The following SP140L variants were observed in gnomAD, a reference collection of about 807,000 sequenced individuals.
SP140L encodes the protein SP140 like nuclear body protein.
SP140L carries 64 observed loss-of-function variants against 84.3 expected under a neutral mutation model. The ratio of observed to expected loss-of-function variants is 0.76; its 90% confidence interval spans 0.62 to 0.94. SP140L has a LOEUF of 0.94. SP140L is among the 40% of genes least tolerant of loss of function. SP140L has a pLI of 0.00. For synonymous variants in SP140L, 242 were observed against 236.9 expected, an observed-to-expected ratio of 1.02 and a Z score of -0.20; for missense variants, 628 against 692.5, an observed-to-expected ratio of 0.91 and a Z score of 1.05.
chr2:230,388,903 G>C (rs2061693863), intron 10 of SP140L: 4 of 309,740 alleles, frequency 1.3e-5, no homozygotes, highest in Non-Finnish European at 2.4e-5. Flanking sequence ...GCTGAAGATA[G>C]GCCATTGCTG....
intron 8 of SP140L, among the ~76,000 whole-genome samples, chr2:230,384,441 C>T (rs2061504520): frequency 6.6e-6 from 1 of 152,148 alleles, no homozygotes; most frequent in Non-Finnish European, 1.5e-5. Flanking sequence ...CCAAATGATG[C>T]TCAGTTTTGA....
At chr2:230,343,891 G>T (rs1487949592) in intron 2 of SP140L, among the ~76,000 whole-genome samples, 1 of 152,040 alleles carries the variant, frequency 6.6e-6, no homozygotes, top group Non-Finnish European at 1.5e-5. Flanking sequence ...CTGAGAAACT[G>T]TTATGATTAC....
In SP140L at chr2:230,361,557, T is replaced by C. The variant is rs909253206; in HGVS notation, c.440-57T>C. On this transcript the variant is annotated intron_variant, in intron 4 of 18. Transcript: ENST00000415673. ...AAATTCCTAAAAGCCAATTTCCAGGTGTTGTCCCTGGTTCTCACAGATCTT... is the reference window on the plus strand; with the variant it reads ...AAATTCCTAAAAGCCAATTTCCAGGCGTTGTCCCTGGTTCTCACAGATCTT... The C allele has an allele frequency of 2.3e-5, 31 of 1,346,142 alleles. No individual in the cohort carries two copies. In the African/African-American group the frequency reaches 4.1e-4, roughly 18 times the overall value. 83.4% of individuals were successfully genotyped at this position (1,346,142 alleles called of 1,614,324 possible). A position where few individuals can be genotyped will look rare whatever the true frequency, so the allele number is the denominator to read the frequency against.
intron 2 of SP140L, among the ~76,000 whole-genome samples, chr2:230,353,268 T>G (rs542517698): frequency 6.6e-6 from 1 of 152,218 alleles, no homozygotes; most frequent in East Asian, 1.9e-4. Flanking sequence ...AAGAAATTTA[T>G]TTTCCTTATG....
At chr2:230,366,211 G>T (rs2060864289) in intron 5 of SP140L, among the ~76,000 whole-genome samples, 1 of 151,882 alleles carries the variant, frequency 6.6e-6, no homozygotes, top group Non-Finnish European at 1.5e-5. Flanking sequence ...CTGAAAGTAG[G>T]GTATGAAAGT....
At position 230,402,805 on chromosome 2, in the gene SP140L, A is replaced by T; in HGVS notation, c.1652A>T (p.Asp551Val). 1 of 1,611,922 alleles carries T rather than the reference A, an allele frequency of 6.2e-7. No homozygotes were observed. Among genetic ancestry groups the T allele is most frequent in the Non-Finnish European group, 8.5e-7 (1 of 1,179,246 alleles). ...TTTATTACTTTTTTCCAGTATAAGG[A>T]TTTTGGCCAAATGGGACTTAGACTG... Reference protein sequence around the residue: ...QNHRASYKYKDFGQMGLRLEA... With the variant: ...QNHRASYKYKVFGQMGLRLEA... Residue 551 changes from aspartate (D) to valine (V), a missense_variant, in exon 19 of 19, where the codon GAT becomes GTT. By Grantham distance (152) the Asp-to-Val change is radical. This residue lies in a region of SP140L where 44 missense variants were observed against 36.1 expected (regional missense o/e 1.22). Coordinates refer to ENST00000415673, the MANE Select transcript of SP140L (RefSeq NM_138402.6).
intron 5 of SP140L, among the ~76,000 whole-genome samples, chr2:230,370,042 G>C (rs186401379): frequency 1.0e-3 from 159 of 152,284 alleles, no homozygotes; most frequent in Admixed American, 4.2e-3. Context: ...AAAGTGCTGG[G>C]ATTACAGGCA....
chr2:230,380,336 A>G (rs2061364479), intron 7 of SP140L, among the ~76,000 whole-genome samples: 1 of 152,186 alleles, frequency 6.6e-6, no homozygotes, highest in Non-Finnish European at 1.5e-5. Context: ...ATTCAGGATG[A>G]GATTTGAGTA....
chr2:230,328,649 C>T, intron 1 of SP140L, 108 bp from the exon 2 acceptor site: 2 of 1,357,652 alleles, frequency 1.5e-6, no homozygotes, highest in South Asian at 1.6e-5. Flanking sequence ...CTTTTTTTTG[C>T]ACATATGCAA....
chr2:230,384,299 C>T (rs2061499115), intron 8 of SP140L, among the ~76,000 whole-genome samples: 1 of 152,190 alleles, frequency 6.6e-6, no homozygotes, highest in Non-Finnish European at 1.5e-5. Context: ...CCATCCTCAT[C>T]TGTGGCTATC....
intron 5 of SP140L, among the ~76,000 whole-genome samples, chr2:230,362,509 G>T (rs539728512): frequency 1.1e-4 from 16 of 152,198 alleles, no homozygotes; most frequent in African/African-American, 1.9e-4. Flanking sequence ...ATGTGGAGAG[G>T]ATGTAGGTAT....
intron 2 of SP140L, among the ~76,000 whole-genome samples, chr2:230,339,022 G>T (rs1444723464): frequency 2.2e-5 from 3 of 138,704 alleles, no homozygotes; most frequent in Admixed American, 2.1e-4. Flanking sequence ...AAATGAGTTA[G>T]GGAGGATTCC....
chr2:230,381,407 G>A (rs570004397), intron 7 of SP140L, among the ~76,000 whole-genome samples: 34 of 152,248 alleles, frequency 2.2e-4, no homozygotes, highest in African/African-American at 8.2e-4. Context: ...CCCTGATACC[G>A]TGAGTACAGA....
At chr2:230,375,658 A>T (rs183968663) in intron 7 of SP140L, among the ~76,000 whole-genome samples, 2 of 152,290 alleles carry the variant, frequency 1.3e-5, no homozygotes, top group African/African-American at 4.8e-5. Context: ...AGTGATATTG[A>T]GTGCTTTTTT....
intron 2 of SP140L, among the ~76,000 whole-genome samples, chr2:230,338,980 G>A (rs1271408611): frequency 7.2e-6 from 1 of 138,504 alleles, no homozygotes; most frequent in East Asian, 2.1e-4. Context: ...GTCTCTGCCT[G>A]GCTTTGGTAT....
chr2:230,374,214 G>T (rs965427178), intron 7 of SP140L, among the ~76,000 whole-genome samples: 3 of 151,988 alleles, frequency 2.0e-5, no homozygotes, highest in African/African-American at 7.3e-5. Flanking sequence ...TAGTTAGGAG[G>T]CTGAGGCAGG....
chr2:230,331,849 T>TTGTC (rs1280010839), intron 2 of SP140L, among the ~76,000 whole-genome samples: 1 of 152,226 alleles, frequency 6.6e-6, no homozygotes, highest in Non-Finnish European at 1.5e-5. Context: ...CCTTCTATTA[T>TTGTC]TGTCTTGTTT....
intron 3 of SP140L, 92 bp downstream of exon 3, chr2:230,358,059 A>G: frequency 1.4e-6 from 2 of 1,452,276 alleles, no homozygotes; most frequent in Non-Finnish European, 1.9e-6. Flanking sequence ...AAAGGAGAGG[A>G]GAAGCAGAGG....
At chr2:230,338,443 A>G (rs1395032909) in intron 2 of SP140L, among the ~76,000 whole-genome samples, 2 of 135,602 alleles carry the variant, frequency 1.5e-5, no homozygotes, top group African/African-American at 5.7e-5. Context: ...ATCTGCAAAC[A>G]GGGACAATTT....
Sources: gnomAD v4.1 joint callset for allele counts (sites outside exome capture counted in the v4.1 genomes callset) on GRCh38, gnomAD v4.1.1 for gene constraint, gnomAD v4.1.1 regional missense constraint, MANE v1.5 for transcripts, NCBI Gene and HGNC (gene_info 2026-07-23, HGNC 2026-07-21) for gene names.